The following AKAIN1 variants were observed in gnomAD, a reference collection of about 807,000 sequenced individuals.
AKAIN1 encodes A-kinase anchor inhibitor 1.
AKAIN1 carries 3 observed loss-of-function variants against 3.7 expected under a neutral mutation model. The ratio of observed to expected loss-of-function variants is 0.82; its 90% CI spans 0.37 to 2.12. The LOEUF (loss-of-function observed/expected upper bound fraction) is 2.12, where lower values mean the gene tolerates loss of function less well. AKAIN1 is among the 30% of genes most tolerant of loss of function. The pLI, the probability that AKAIN1 is intolerant of heterozygous loss-of-function variation, is 0.06. For missense variants in AKAIN1, 82 were observed against 82.7 expected, an observed-to-expected ratio of 0.99 and a Z score of 0.03; for synonymous variants, 31 against 30.8, an observed-to-expected ratio of 1.01 and a Z score of -0.02.
chr18:5,175,048 CTG>C (rs1277221636), intron 1 of AKAIN1, among the ~76,000 whole-genome samples: 2 of 152,154 alleles, frequency 1.3e-5, no homozygotes, highest in Non-Finnish European at 2.9e-5. Flanking sequence ...CAGAGGCACT[CTG>C]TGCTTGGTTT....
chr18:5,188,180 T>C (rs762832251), intron 1 of AKAIN1, among the ~76,000 whole-genome samples: 8 of 152,030 alleles, frequency 5.3e-5, no homozygotes, highest in Admixed American at 1.3e-4. Flanking sequence ...CTTTCCCTCA[T>C]GGTTTTGGTG....
intron 1 of AKAIN1, among the ~76,000 whole-genome samples, chr18:5,152,857 C>T (rs373060474): frequency 1.2e-4 from 19 of 152,276 alleles, no homozygotes; most frequent in South Asian, 1.0e-3. Flanking sequence ...CGGGCGATGG[C>T]GCTGAAGAAA....
intron 1 of AKAIN1, among the ~76,000 whole-genome samples, chr18:5,180,186 A>G (rs1022829176): frequency 1.3e-5 from 2 of 152,270 alleles, no homozygotes; most frequent in Admixed American, 6.5e-5. Context: ...CCTTCTTTAT[A>G]TTAAAGTCCT....
chr18:5,163,628 C>T (rs1173283880), intron 1 of AKAIN1: 1 of 151,960 alleles, frequency 6.6e-6, no homozygotes, highest in African/African-American at 2.4e-5. Flanking sequence ...ACATTTCCCC[C>T]CATATATGCT....
chr18:5,178,043 T>A (rs962893284), intron 1 of AKAIN1, among the ~76,000 whole-genome samples: 1 of 152,052 alleles, frequency 6.6e-6, no homozygotes, highest in African/African-American at 2.4e-5. Context: ...CAAGAAAGAC[T>A]GTTCCTAAAG....
intron 1 of AKAIN1, among the ~76,000 whole-genome samples, chr18:5,179,530 C>T (rs376645018): frequency 2.3e-4 from 35 of 152,148 alleles, no homozygotes; most frequent in Non-Finnish European, 4.0e-4. Flanking sequence ...AATAGTGCTG[C>T]AATAAACATA....
intron 1 of AKAIN1, among the ~76,000 whole-genome samples, chr18:5,150,576 G>A (rs753303777): frequency 5.3e-5 from 8 of 152,232 alleles, no homozygotes; most frequent in East Asian, 1.9e-4. Context: ...TTTCCACCTC[G>A]GATTTTTACT....
chr18:5,145,697 A>G lies in AKAIN1; in HGVS notation c.75T>C (p.Ile25=). ...CAGCTTGCAGGATTGCATTCTGCAC[A>G]ATCTGTTTGCTGGCATTCTGCAGCT... ...EVKLQNASKQ[I]VQNAILQAVQ... Residue 25 remains isoleucine, a synonymous_variant, in exon 2 of 2, where the codon ATT becomes ATC. Coordinates refer to ENST00000434239, the MANE Select transcript of AKAIN1 (RefSeq NM_001145194.2). The G allele has an allele frequency of 6.4e-7, 1 of 1,551,550 alleles. No homozygotes were observed. Among genetic ancestry groups the G allele is most frequent in the Non-Finnish European group, 8.7e-7 (1 of 1,146,872 alleles).
chr18:5,145,497 A>C lies in AKAIN1; in HGVS notation c.*65T>G. ...GTTTGCTTTACTGGCAACATTTTGG[A>C]GATGCGTCCTATACTAAGAGGAAGG... On this transcript the variant is annotated 3_prime_UTR_variant, in exon 2 of 2. Coordinates refer to ENST00000434239, the MANE Select transcript of AKAIN1 (RefSeq NM_001145194.2). The C allele has an allele frequency of 7.4e-7, 1 of 1,346,286 alleles. No individual in the cohort carries two copies. The highest frequency in any genetic ancestry group is 1.4e-5 in the South Asian group (1 of 71,360). 83.4% of individuals were successfully genotyped at this position (1,346,286 alleles called of 1,614,324 possible). A position where few individuals can be genotyped will look rare whatever the true frequency, so the allele number is the denominator to read the frequency against.
At chr18:5,154,234 C>G (rs1398908190) in intron 1 of AKAIN1, among the ~76,000 whole-genome samples, 2 of 152,026 alleles carry the variant, frequency 1.3e-5, no homozygotes, top group African/African-American at 4.8e-5. Flanking sequence ...TTGGTTTTCA[C>G]CAGGGAAACA....
At chr18:5,162,955 C>A (rs1285138018) in intron 1 of AKAIN1, among the ~76,000 whole-genome samples, 2 of 151,802 alleles carry the variant, frequency 1.3e-5, no homozygotes, top group Non-Finnish European at 2.9e-5. Flanking sequence ...CTGATAGTTA[C>A]AATGAAGATT....
Position 5,197,243 on chromosome 18 carries a change from C to T in AKAIN1, c.-190G>A, listed in dbSNP as rs1245842482. 1 of 1,384,900 alleles carries T rather than the reference C, an allele frequency of 7.2e-7. No homozygotes were observed. The highest frequency in any genetic ancestry group is 9.3e-7 in the Non-Finnish European group (1 of 1,080,606). 85.8% of individuals were successfully genotyped at this position (1,384,900 alleles called of 1,614,324 possible). A position where few individuals can be genotyped will look rare whatever the true frequency, so the allele number is the denominator to read the frequency against. ...CCGCAGCTCCAGCCGCCGCCGCGCG[C>T]TCTGCCTCCACAATGCGGCCACAGC... On this transcript the variant is annotated 5_prime_UTR_variant, in exon 1 of 2. Transcript: ENST00000434239. The surrounding 1 kb of genome is among the most constrained non-coding windows in gnomAD (Gnocchi z 6.9).
Position 5,149,408 on chromosome 18 carries a change from A to G in AKAIN1, c.17-3653T>C, listed in dbSNP as rs533016513. On this transcript the variant is annotated intron_variant, in intron 1 of 1. Transcript: ENST00000434239. Reference sequence around the variant, plus strand: ...ATGGCAGAGGGGAGGGGACCATGAAAATAGAGATACAAATGTCGTAGCCAA... The same window carrying G: ...ATGGCAGAGGGGAGGGGACCATGAAGATAGAGATACAAATGTCGTAGCCAA... Among the ~76,000 whole-genome samples, 78 of 152,330 alleles carry G rather than the reference A, an allele frequency of 5.1e-4. 3 individuals are homozygous for G. The South Asian group carries it at 0.016, about 31-fold the overall frequency.
chr18:5,179,399 ATATG>A (rs570372125), intron 1 of AKAIN1, among the ~76,000 whole-genome samples: 21 of 148,192 alleles, frequency 1.4e-4, no homozygotes, highest in African/African-American at 4.0e-4. Context: ...ATGGCTGAGT[ATATG>A]TATGTATGTA....
At chr18:5,186,049 C>G (rs774509206) in intron 1 of AKAIN1, among the ~76,000 whole-genome samples, 6 of 152,058 alleles carry the variant, frequency 3.9e-5, no homozygotes, top group Admixed American at 2.0e-4. Flanking sequence ...GCAGCTGGAG[C>G]TGTAGGAGCT....
At chr18:5,154,149 A>G (rs569376905) in intron 1 of AKAIN1, among the ~76,000 whole-genome samples, 46 of 152,300 alleles carry the variant, frequency 3.0e-4, no homozygotes, top group Non-Finnish European at 5.6e-4. Context: ...GGAGTGGACA[A>G]AGATTTCTTA....
In AKAIN1 at chr18:5,180,374, G is replaced by A. The variant is rs930664152; in HGVS notation, c.16+16664C>T. 6.6e-5 allele frequency among the ~76,000 whole-genome samples: 10 copies of A among 151,854 alleles called. No homozygotes were observed. In the East Asian group the frequency reaches 2.0e-3, roughly 30 times the overall value. On this transcript the variant is annotated intron_variant, in intron 1 of 1. Transcript: ENST00000434239. ...GCTGTTTTCTCTTTTCCCAGGCCAG[G>A]TGCATGTGACTGAGAGGTTCATGGG...
chr18:5,175,210 C>T (rs528280962), intron 1 of AKAIN1, among the ~76,000 whole-genome samples: 2 of 152,114 alleles, frequency 1.3e-5, no homozygotes, highest in Non-Finnish European at 2.9e-5. Flanking sequence ...CATTTGTATA[C>T]TCATAAGGCC....
At chr18:5,151,129 C>A (rs2071077708) in intron 1 of AKAIN1, among the ~76,000 whole-genome samples, 2 of 151,818 alleles carry the variant, frequency 1.3e-5, no homozygotes, top group South Asian at 4.2e-4. Context: ...CAGCACCACT[C>A]CCTGCACACA....
Sources: allele counts gnomAD v4.1 joint callset (sites outside exome capture counted in the v4.1 genomes callset), GRCh38; gene constraint gnomAD v4.1.1; non-coding constraint Gnocchi (gnomAD v3.1); transcripts MANE v1.5; gene names NCBI Gene and HGNC (gene_info 2026-07-23, HGNC 2026-07-21).